The following SORL1 variants were observed in gnomAD, a reference collection of about 807,000 sequenced individuals.
The protein encoded by SORL1 is sortilin related receptor 1, also known as sortilin-related receptor.
A neutral mutation model predicts 273.7 loss-of-function variants in SORL1; 127 were observed. That is an observed-to-expected ratio of 0.46 (90% confidence interval 0.40 to 0.54). SORL1 has a LOEUF of 0.54. Ranked by LOEUF, SORL1 falls within the 20% of genes least tolerant of loss-of-function variation. SORL1 has a pLI of 0.00. For missense variants in SORL1, 2,494 were observed against 2,846.1 expected, an observed-to-expected ratio of 0.88 and a Z score of 2.81; for synonymous variants, 1,031 against 1,067.4, an observed-to-expected ratio of 0.97 and a Z score of 0.66.
At chr11:121,526,515 A>G (rs1436410213) in intron 11 of SORL1, among the ~76,000 whole-genome samples, 2 of 152,184 alleles carry the variant, frequency 1.3e-5, no homozygotes, top group African/African-American at 4.8e-5. Flanking sequence ...GATTTTTATT[A>G]TAATTGCCTT....
At position 121,595,389 on chromosome 11, in the gene SORL1, T is replaced by G. The variant is rs1353275434; in HGVS notation, c.4370-234T>G. On this transcript the variant is annotated intron_variant, in intron 31 of 47. Coordinates refer to ENST00000260197, the MANE Select transcript of SORL1 (RefSeq NM_003105.6). This position sits in a 1 kb window ranked among gnomAD's most constrained non-coding sequence, Gnocchi z 5.1. ...CTCCCAAATCTCATTATCCATGTCC[T>G]CGTGGATTTAGGTCTTTGAAAACAA... Among the ~76,000 whole-genome samples the G allele has an allele frequency of 6.6e-6, 1 of 152,174 alleles. No individual in the cohort carries two copies. Among genetic ancestry groups the G allele is most frequent in the African/African-American group, 2.4e-5 (1 of 41,458 alleles).
rs200409601 is a variant in SORL1, at chr11:121,591,209, C to A, written c.4369+53C>A. Reference sequence around the variant, plus strand: ...TGGTACCTGCTATTGTGGAGAGGACCTTCTGGGGGTGTGCTCTGGGCACAA... The same window carrying A: ...TGGTACCTGCTATTGTGGAGAGGACATTCTGGGGGTGTGCTCTGGGCACAA... On this transcript the variant is annotated intron_variant, in intron 31 of 47. Transcript: ENST00000260197. 14 of 1,590,156 alleles carry A rather than the reference C, an allele frequency of 8.8e-6. No individual in the cohort carries two copies. The African/African-American group carries it at 1.3e-4, about 15-fold the overall frequency.
chr11:121,629,326 G>A (rs1014946464), intron 47 of SORL1, 170 bp from the exon 48 acceptor site: 2 of 553,600 alleles, frequency 3.6e-6, no homozygotes, highest in South Asian at 5.0e-5. Context: ...AGGAGGGACA[G>A]TGGGAAGCTG....
In SORL1 at chr11:121,508,180, A is replaced by T. The variant is rs1438157951; in HGVS notation, c.940-4823A>T. 4.6e-5 allele frequency among the ~76,000 whole-genome samples: 7 copies of T among 151,944 alleles called. No homozygotes were observed. The East Asian group carries it at 9.6e-4, about 21-fold the overall frequency. ...TCAATGCTTTTGCAGGCAGTTTACA[A>T]CTCTGTCCTAGCCTTCACTTCCTGC... On this transcript the variant is annotated intron_variant, in intron 6 of 47. Coordinates refer to ENST00000260197, the MANE Select transcript of SORL1 (RefSeq NM_003105.6).
rs540253228 is a variant in SORL1 at position 121,516,779 on chromosome 11, C to T, written c.1211+2458C>T. 3.9e-5 allele frequency among the ~76,000 whole-genome samples: 6 copies of T among 152,168 alleles called. No individual in the cohort carries two copies. The South Asian group carries it at 1.2e-3, about 32-fold the overall frequency. On this transcript the variant is annotated intron_variant, in intron 8 of 47. Coordinates refer to ENST00000260197, the MANE Select transcript of SORL1 (RefSeq NM_003105.6). ...TTGAAAAAATTATTTACTGGCCGGGCATGGTGGCTCACGCCTGTAAACCCA... is the reference window on the plus strand; with the variant it reads ...TTGAAAAAATTATTTACTGGCCGGGTATGGTGGCTCACGCCTGTAAACCCA...
chr11:121,493,404 C>T lies in SORL1; in HGVS notation c.758+3294C>T, dbSNP rs112513099. 6.3e-3 allele frequency among the ~76,000 whole-genome samples: 960 copies of T among 152,134 alleles called. 8 individuals are homozygous for T. Among genetic ancestry groups the T allele is most frequent in the African/African-American group, 0.022 (915 of 41,528 alleles). On this transcript the variant is annotated intron_variant, in intron 5 of 47. Transcript: ENST00000260197. ...CCCGAGAAGCTGGGATTACAGGCACCCACCACCATGCCTGGCTAATTTTTG... is the reference window on the plus strand; with the variant it reads ...CCCGAGAAGCTGGGATTACAGGCACTCACCACCATGCCTGGCTAATTTTTG...
chr11:121,573,246 G>C (rs1331952221), intron 23 of SORL1, among the ~76,000 whole-genome samples: 1 of 152,144 alleles, frequency 6.6e-6, no homozygotes, highest in African/African-American at 2.4e-5. Context: ...CTTGTTCCCT[G>C]GTTTATCTTC....
rs943531033 is a variant in SORL1, at chr11:121,596,563, T to C, written c.4519+791T>C. Among the ~76,000 whole-genome samples the C allele has an allele frequency of 3.9e-5, 6 of 152,216 alleles. No individual in the cohort carries two copies. Among genetic ancestry groups the C allele is most frequent in the African/African-American group, 1.2e-4 (5 of 41,462 alleles). On this transcript the variant is annotated intron_variant, in intron 32 of 47. Coordinates refer to ENST00000260197, the MANE Select transcript of SORL1 (RefSeq NM_003105.6). This position sits in a 1 kb window ranked among gnomAD's most constrained non-coding sequence, Gnocchi z 4.3. ...CCCCACCGGCCTGCCTCTCTGACGG[T>C]TGGGTGCTGCTCTGGCTCGGGGATC...
intron 21 of SORL1, among the ~76,000 whole-genome samples, chr11:121,561,753 T>C (rs1057009881): frequency 6.7e-6 from 1 of 149,948 alleles, no homozygotes; most frequent in Non-Finnish European, 1.5e-5. Context: ...GACCTGGACC[T>C]GTGCATGGGC....
rs1216240022 is a variant in SORL1, at chr11:121,558,842, G to C, written c.2910+5G>C. 6.2e-7 allele frequency: 1 copy of C among 1,614,064 alleles called. No homozygotes were observed. The highest frequency in any genetic ancestry group is 1.7e-5 in the Admixed American group (1 of 60,024). On this transcript the variant is annotated splice_donor_5th_base_variant and intron_variant, in intron 20 of 47. Transcript: ENST00000260197. ...TATGCCATTGCTGTCTTTAAGGTGA[G>C]TCCATTTGTTGCTGCCGGACAGTCT...
chr11:121,520,682 G>C lies in SORL1; in HGVS notation c.1237G>C (p.Asp413His), dbSNP rs1360937356. Residue 413 changes from aspartate to histidine, a missense_variant, in exon 9 of 48, where the codon GAC becomes CAC. Around this residue, in one of 3 missense-constraint regions of SORL1, gnomAD observed 710 missense variants for 882.5 expected, o/e 0.80. Coordinates refer to ENST00000260197, the MANE Select transcript of SORL1 (RefSeq NM_003105.6). ...VRYFANEPFA[D>H]FHRVEGLQGV... ...GTATTTTGCAAATGAACCATTTGCT[G>C]ACTTCCACCGAGTGGAAGGATTGCA... 6.3e-7 allele frequency: 1 copy of C among 1,579,972 alleles called. No individual in the cohort carries two copies.
At chr11:121,534,573 C>A (rs1862243421) in intron 12 of SORL1, among the ~76,000 whole-genome samples, 1 of 152,198 alleles carries the variant, frequency 6.6e-6, no homozygotes, top group South Asian at 2.1e-4. Context: ...ACATACAAGC[C>A]TCCTATTGAC....
chr11:121,575,375 T>C (rs543914348), intron 24 of SORL1, among the ~76,000 whole-genome samples: 1 of 152,188 alleles, frequency 6.6e-6, no homozygotes, highest in African/African-American at 2.4e-5. Context: ...GATTGAGGCA[T>C]GAGAGGGAAG....
chr11:121,587,065 T>C (rs538407375), intron 27 of SORL1, among the ~76,000 whole-genome samples: 1 of 152,320 alleles, frequency 6.6e-6, no homozygotes, highest in Admixed American at 6.5e-5. Flanking sequence ...TGTTTACATA[T>C]TGTATATGGC....
intron 6 of SORL1, among the ~76,000 whole-genome samples, chr11:121,500,304 CA>C (rs1300294194): frequency 6.6e-6 from 1 of 152,210 alleles, no homozygotes; most frequent in Admixed American, 6.5e-5. Flanking sequence ...GATTATCATG[CA>C]AGCCAGGCCC....
intron 12 of SORL1, among the ~76,000 whole-genome samples, chr11:121,539,994 C>T (rs1038265328): frequency 5.9e-5 from 9 of 152,180 alleles, no homozygotes; most frequent in Non-Finnish European, 1.0e-4. Flanking sequence ...TAATTTGAAA[C>T]ATAAACCTTG....
At chr11:121,524,818 G>A (rs1009542279) in intron 11 of SORL1, among the ~76,000 whole-genome samples, 8 of 151,658 alleles carry the variant, frequency 5.3e-5, no homozygotes, top group Admixed American at 1.3e-4. Context: ...TATTTAAAGT[G>A]TACAGTTTGA....
chr11:121,573,422 G>T (rs540207203), intron 23 of SORL1, among the ~76,000 whole-genome samples: 1 of 152,222 alleles, frequency 6.6e-6, no homozygotes, highest in Admixed American at 6.5e-5. Context: ...GACCATCCTG[G>T]CCAACATGGC....
intron 6 of SORL1, among the ~76,000 whole-genome samples, chr11:121,512,138 TACGG>T (rs1456939503): frequency 1.3e-5 from 2 of 152,220 alleles, no homozygotes; most frequent in African/African-American, 4.8e-5. Context: ...TGATAAAACG[TACGG>T]AGCCTCCATA....
Sources: gnomAD v4.1 joint callset for allele counts (sites outside exome capture counted in the v4.1 genomes callset) on GRCh38, gnomAD v4.1.1 for gene constraint, gnomAD v4.1.1 regional missense constraint, Gnocchi (gnomAD v3.1) non-coding constraint, MANE v1.5 for transcripts, NCBI Gene and HGNC (gene_info 2026-07-23, HGNC 2026-07-21) for gene names.